The following GPC4 variants were observed in gnomAD, a reference collection of about 807,000 sequenced individuals.
The protein encoded by GPC4 is glypican 4.
Under a neutral mutation model 35.0 loss-of-function variants are expected in GPC4, and 10 were observed. That is an observed-to-expected ratio of 0.29 (90% CI 0.18 to 0.48). GPC4 has a LOEUF of 0.48. GPC4 is among the 20% of genes least tolerant of loss of function. The pLI is 0.99. For synonymous variants in GPC4, 167 were observed against 170.2 expected, an observed-to-expected ratio of 0.98 and a Z score of 0.15; for missense variants, 322 against 451.3, an observed-to-expected ratio of 0.71 and a Z score of 2.60.
intron 1 of GPC4, among the ~76,000 whole-genome samples, chrX:133,385,310 A>C (rs1332393543): frequency 8.9e-6 from 1 of 111,998 alleles, no homozygotes; most frequent in Non-Finnish European, 1.9e-5. Flanking sequence ...GGACATGGGG[A>C]AAAGAGCATA....
chrX:133,340,176 T>C (rs1235609544), intron 1 of GPC4, among the ~76,000 whole-genome samples: 1 of 110,544 alleles, frequency 9.0e-6, no homozygotes, highest in African/African-American at 3.3e-5. Context: ...GGCTTGCAGT[T>C]TGGAGGTGAG....
intron 1 of GPC4, among the ~76,000 whole-genome samples, chrX:133,357,011 C>T (rs989887152): frequency 9.0e-6 from 1 of 111,139 alleles, no homozygotes; most frequent in Admixed American, 9.5e-5. Context: ...GGTAGGGAGG[C>T]ATCATGTTAT....
intron 1 of GPC4, among the ~76,000 whole-genome samples, chrX:133,347,317 T>C (rs1835453328): frequency 1.2e-5 from 1 of 81,134 alleles, no homozygotes; most frequent in South Asian, 8.5e-4. Context: ...TTAAAAAGCA[T>C]AAATACATGT....
intron 1 of GPC4, chrX:133,414,466 G>C: frequency 2.7e-6 from 2 of 751,322 alleles, no homozygotes; most frequent in Non-Finnish European, 3.1e-6. Flanking sequence ...CACGCACTTT[G>C]AGGGCCACAG....
chrX:133,388,539 CTT>C (rs756300518), intron 1 of GPC4, among the ~76,000 whole-genome samples: 1 of 104,109 alleles, frequency 9.6e-6, no homozygotes. Flanking sequence ...CAGCCAACTC[CTT>C]TTTTTTTTTT....
intron 2 of GPC4, among the ~76,000 whole-genome samples, chrX:133,334,586 C>G (rs2068434214): frequency 2.7e-5 from 3 of 111,191 alleles, no homozygotes; most frequent in Admixed American, 1.9e-4. Context: ...TTAAAAGATT[C>G]ACAGAATTGG....
At chrX:133,306,868 A>G (rs1189951587) in intron 4 of GPC4, among the ~76,000 whole-genome samples, 3 of 112,116 alleles carry the variant, frequency 2.7e-5, no homozygotes, top group Admixed American at 9.4e-5. Flanking sequence ...CTCACAGTAT[A>G]TATCTTCACC....
chrX:133,308,637 G>A lies in GPC4; in HGVS notation c.878-2483C>T, dbSNP rs139448026. 4.4e-3 allele frequency among the ~76,000 whole-genome samples: 492 copies of A among 111,481 alleles called. 5 individuals carry two copies. The highest frequency in any genetic ancestry group is 0.015 in the African/African-American group (465 of 30,698). ...CCAGTTGCAGATGCAGTTAAGAGAG[G>A]AGAGGAAGAGCATGGCAACAAGAAG... On this transcript the variant is annotated intron_variant, in intron 4 of 8. Coordinates refer to ENST00000370828, the MANE Select transcript of GPC4 (RefSeq NM_001448.3).
chrX:133,367,287 T>C (rs893000090), intron 1 of GPC4, among the ~76,000 whole-genome samples: 1 of 111,593 alleles, frequency 9.0e-6, no homozygotes, highest in Non-Finnish European at 1.9e-5. Flanking sequence ...TTTCAGACAT[T>C]GGGGTATAGG....
At chrX:133,303,538 C>A (rs922519972) in intron 7 of GPC4, among the ~76,000 whole-genome samples, 197 bp from the exon 8 acceptor site, 13 of 111,956 alleles carry the variant, frequency 1.2e-4, no homozygotes, top group African/African-American at 3.6e-4. Flanking sequence ...GAACTCTAAT[C>A]TTTCTTGTTC....
chrX:133,319,566 CT>C (rs1238119012), intron 3 of GPC4, among the ~76,000 whole-genome samples: 1 of 105,374 alleles, frequency 9.5e-6, no homozygotes, highest in Admixed American at 1.0e-4. Flanking sequence ...TTTGAAAGGT[CT>C]TTTTTTCAGG....
At chrX:133,349,867 C>G (rs2068509405) in intron 1 of GPC4, among the ~76,000 whole-genome samples, 1 of 111,730 alleles carries the variant, frequency 9.0e-6, no homozygotes. Context: ...CAATCCTCCC[C>G]CTCAGCCTCC....
At chrX:133,396,079 T>C (rs1371084830) in intron 1 of GPC4, among the ~76,000 whole-genome samples, 1 of 111,811 alleles carries the variant, frequency 8.9e-6, no homozygotes, top group Non-Finnish European at 1.9e-5. Flanking sequence ...TAAAATGCTG[T>C]TATTCTTTCT....
At chrX:133,308,713 A>C (rs972863515) in intron 4 of GPC4, among the ~76,000 whole-genome samples, 2 of 111,127 alleles carry the variant, frequency 1.8e-5, no homozygotes, top group African/African-American at 3.3e-5. Flanking sequence ...GTCTAGTCCA[A>C]CTGCATTATT....
At chrX:133,311,230 A>T in intron 4 of GPC4, 28 bp downstream of exon 4, 1 of 1,193,911 alleles carries the variant, frequency 8.4e-7, no homozygotes, top group Non-Finnish European at 1.1e-6. Flanking sequence ...TATCTCCAGC[A>T]ACACAAATAT....
chrX:133,362,630 G>A (rs1357420713), intron 1 of GPC4, among the ~76,000 whole-genome samples: 2 of 111,683 alleles, frequency 1.8e-5, no homozygotes, highest in African/African-American at 6.5e-5. Context: ...AACAGCACCA[G>A]AGTAATGCCC....
intron 1 of GPC4, among the ~76,000 whole-genome samples, chrX:133,372,349 C>T (rs1324051567): frequency 3.7e-5 from 4 of 109,549 alleles, no homozygotes; most frequent in African/African-American, 1.3e-4. Context: ...TTAGGGGCTC[C>T]TTACAAAACA....
chrX:133,306,201 A>G lies in GPC4; in HGVS notation c.878-47T>C, dbSNP rs200702725. 2.5e-6 allele frequency: 3 copies of G among 1,189,253 alleles called. No homozygotes were observed. In the East Asian group the frequency reaches 8.9e-5, roughly 35 times the overall value. On this transcript the variant is annotated intron_variant, in intron 4 of 8. Coordinates refer to ENST00000370828, the MANE Select transcript of GPC4 (RefSeq NM_001448.3). ...AACAATACAGCATAAAAAGTCAATC[A>G]TTAGTTTGGCCTTGGGTAAATCAAT...
chrX:133,388,067 T>C (rs1186379838), intron 1 of GPC4, among the ~76,000 whole-genome samples: 1 of 112,093 alleles, frequency 8.9e-6, no homozygotes, highest in African/African-American at 3.2e-5. Flanking sequence ...ATCTTTTCAA[T>C]AGATAGATAC....
Sources: gnomAD v4.1 joint callset for allele counts (sites outside exome capture counted in the v4.1 genomes callset) on GRCh38, gnomAD v4.1.1 for gene constraint, MANE v1.5 for transcripts, NCBI Gene and HGNC (gene_info 2026-07-23, HGNC 2026-07-21) for gene names.